The following CSRNP3 variants were observed in gnomAD, a reference collection of about 807,000 sequenced individuals.
CSRNP3 encodes cysteine/serine-rich nuclear protein 3.
Under a neutral mutation model 48.0 loss-of-function variants are expected in CSRNP3, and 12 were observed. The observed-to-expected ratio is 0.25, with a 90% CI of 0.16 to 0.41. The LOEUF is 0.41. Ranked by LOEUF, CSRNP3 falls within the 10% of genes least tolerant of loss-of-function variation. The pLI is 1.00. For synonymous variants in CSRNP3, 263 were observed against 269.7 expected (o/e 0.98, Z 0.24); for missense variants, 580 against 724.4 (o/e 0.80, Z 2.29).
At chr2:165,540,135 A>G (rs2105251419) in intron 3 of CSRNP3, among the ~76,000 whole-genome samples, 1 of 152,246 alleles carries the variant, frequency 6.6e-6, no homozygotes, top group East Asian at 1.9e-4. Context: ...CACTGAGGCA[A>G]GGTGTTGGCA....
rs1422221398 is a variant in CSRNP3, at chr2:165,642,579, G to C, written c.149-15182G>C. Among the ~76,000 whole-genome samples, 10 of 101,164 alleles carry C rather than the reference G, an allele frequency of 9.9e-5. No homozygotes were observed. The South Asian group carries it at 1.1e-3, about 11-fold the overall frequency. 66.4% of individuals were successfully genotyped at this position (101,164 alleles called of 152,430 possible). ...TGCATATTCTTTTTTTTTTTTTTTT[G>C]AGATTTAGTTTTGCTCTTTGTTGCC... is the stretch of plus-strand genomic sequence containing the variant. On this transcript the variant is annotated intron_variant, in intron 4 of 6. Transcript: ENST00000651982.
intron 2 of CSRNP3, among the ~76,000 whole-genome samples, chr2:165,509,214 G>A (rs551770149): frequency 1.1e-4 from 16 of 152,114 alleles, no homozygotes; most frequent in Non-Finnish European, 2.2e-4. Context: ...ATAAAATAGG[G>A]TTAAGGAATA....
chr2:165,574,489 A>G, intron 3 of CSRNP3: 1 of 1,190,854 alleles, frequency 8.4e-7, no homozygotes. Context: ...ACTGATGGGC[A>G]TTGGCTATTT....
At chr2:165,563,515 A>C (rs1370891159) in intron 3 of CSRNP3, among the ~76,000 whole-genome samples, 1 of 152,146 alleles carries the variant, frequency 6.6e-6, no homozygotes, top group East Asian at 1.9e-4. Flanking sequence ...GGGCTGCCCA[A>C]TTCGCGAATC....
intron 3 of CSRNP3, among the ~76,000 whole-genome samples, chr2:165,561,383 C>A (rs1334630888): frequency 6.6e-6 from 1 of 152,024 alleles, no homozygotes; most frequent in Non-Finnish European, 1.5e-5. Flanking sequence ...CCCTAAAAGA[C>A]CATATGAAAT....
intron 4 of CSRNP3, among the ~76,000 whole-genome samples, chr2:165,604,722 G>C (rs1404472647): frequency 2.0e-5 from 3 of 152,180 alleles, no homozygotes; most frequent in Admixed American, 1.3e-4. Context: ...ACTTGAGGGA[G>C]TCTGAGTTGT....
intron 4 of CSRNP3, among the ~76,000 whole-genome samples, chr2:165,610,683 C>T (rs558317162): frequency 1.3e-5 from 2 of 152,178 alleles, no homozygotes; most frequent in Non-Finnish European, 2.9e-5. Flanking sequence ...ATTGTGGCAC[C>T]TCTCAGCCAG....
chr2:165,510,150 A>C (rs1684482346), intron 2 of CSRNP3, among the ~76,000 whole-genome samples: 1 of 152,174 alleles, frequency 6.6e-6, no homozygotes, highest in Admixed American at 6.6e-5. Context: ...AGATTTATCC[A>C]CTGTAGCATT....
chr2:165,629,488 C>T (rs753286881), intron 4 of CSRNP3, among the ~76,000 whole-genome samples: 18 of 152,272 alleles, frequency 1.2e-4, no homozygotes, highest in Non-Finnish European at 2.2e-4. Flanking sequence ...TTCTTCAAAA[C>T]GCTATGAATC....
chr2:165,584,977 A>C (rs1341419033), intron 3 of CSRNP3, among the ~76,000 whole-genome samples: 1 of 152,218 alleles, frequency 6.6e-6, no homozygotes, highest in South Asian at 2.1e-4. Flanking sequence ...CCTGGGCCAC[A>C]TTACAGCCTA....
intron 4 of CSRNP3, among the ~76,000 whole-genome samples, chr2:165,602,909 T>C (rs1374113558): frequency 3.3e-5 from 5 of 152,130 alleles, no homozygotes; most frequent in Non-Finnish European, 5.9e-5. Context: ...TTTTTTAATT[T>C]TTTTTGAGAC....
At chr2:165,618,015 T>G (rs971516765) in intron 4 of CSRNP3, among the ~76,000 whole-genome samples, 12 of 152,284 alleles carry the variant, frequency 7.9e-5, no homozygotes, top group Non-Finnish European at 1.2e-4. Flanking sequence ...GCTCTGCTTT[T>G]AAAATGGTGC....
chr2:165,493,563 A>C (rs761963306), intron 1 of CSRNP3, among the ~76,000 whole-genome samples: 1 of 152,092 alleles, frequency 6.6e-6, no homozygotes, highest in African/African-American at 2.4e-5. Flanking sequence ...AACAAAACTA[A>C]TAAGAGAAAG....
intron 1 of CSRNP3, among the ~76,000 whole-genome samples, chr2:165,478,895 A>T (rs971324106): frequency 6.6e-6 from 1 of 152,230 alleles, no homozygotes; most frequent in Non-Finnish European, 1.5e-5. Context: ...ACAAGATAAC[A>T]TGTTCACAGA....
intron 4 of CSRNP3, among the ~76,000 whole-genome samples, chr2:165,638,200 G>A (rs1215855001): frequency 1.3e-5 from 2 of 152,116 alleles, no homozygotes; most frequent in African/African-American, 4.8e-5. Context: ...GGTGGCTCAC[G>A]CCTATAATCC....
At chr2:165,522,043 C>A (rs1170195701) in intron 3 of CSRNP3, among the ~76,000 whole-genome samples, 1 of 152,128 alleles carries the variant, frequency 6.6e-6, no homozygotes, top group Non-Finnish European at 1.5e-5. Flanking sequence ...GTAATCCCAG[C>A]ACTTTGGGAG....
intron 3 of CSRNP3, among the ~76,000 whole-genome samples, chr2:165,535,385 C>T (rs1409637911): frequency 1.3e-5 from 2 of 150,402 alleles, no homozygotes; most frequent in Non-Finnish European, 3.0e-5. Context: ...AAAAAAAGAA[C>T]ATATTCCTTC....
chr2:165,678,561 G>A (rs1687467634), intron 6 of CSRNP3, 140 bp from the exon 7 acceptor site: 2 of 947,146 alleles, frequency 2.1e-6, no homozygotes, highest in African/African-American at 3.3e-5. Context: ...ATTTCTATTT[G>A]AAGTTTGGTT....
chr2:165,676,336 T>A lies in CSRNP3; in HGVS notation c.433T>A (p.Ser145Thr). The change falls in exon 6 of 7, where the codon TCA becomes ACA. Residue 145 changes from serine to threonine, a missense_variant. Physicochemically the swap from Ser to Thr is moderately conservative, Grantham distance 58 (BLOSUM62 1). Coordinates refer to ENST00000651982, the MANE Select transcript of CSRNP3 (RefSeq NM_001172173.2). ...LKMTKNGTVE[S>T]EEASTLTLDD... The stretch of plus-strand genomic sequence containing the variant: ...GATGACTAAGAATGGCACAGTAGAA[T>A]CAGAAGAAGCCAGCACTCTTACACT... The A allele has an allele frequency of 6.2e-7, 1 of 1,613,914 alleles. No homozygotes were observed. Among genetic ancestry groups the A allele is most frequent in the Non-Finnish European group, 8.5e-7 (1 of 1,179,892 alleles).
Sources: allele counts gnomAD v4.1 joint callset (sites outside exome capture counted in the v4.1 genomes callset), GRCh38; gene constraint gnomAD v4.1.1; transcripts MANE v1.5; gene names NCBI Gene and HGNC (gene_info 2026-07-23, HGNC 2026-07-21).